Variants in KATNBL1 observed in about 807,000 individuals in gnomAD.
The protein encoded by KATNBL1 is katanin regulatory subunit B1 like 1, also known as KATNB1-like protein 1.
Under a neutral mutation model 44.7 loss-of-function variants are expected in KATNBL1, and 28 were observed. That is an observed-to-expected ratio of 0.63 (90% CI 0.46 to 0.86). KATNBL1 has a LOEUF of 0.86. Among genes scored for constraint, KATNBL1 ranks in the 40% least tolerant of loss-of-function variants. The pLI, the probability that KATNBL1 is intolerant of heterozygous loss-of-function variation, is 0.00. For synonymous variants in KATNBL1, 78 were observed against 114.9 expected, an observed-to-expected ratio of 0.68 and a Z score of 2.06; for missense variants, 272 against 350.7, an observed-to-expected ratio of 0.78 and a Z score of 1.79.
chr15:34,182,051 T>C (rs1889583709), intron 1 of KATNBL1, among the ~76,000 whole-genome samples: 1 of 151,572 alleles, frequency 6.6e-6, no homozygotes, highest in Non-Finnish European at 1.5e-5. Flanking sequence ...AATAAAGGCA[T>C]AAAAAGATTA....
chr15:34,155,755 G>A (rs550656363), intron 2 of KATNBL1, among the ~76,000 whole-genome samples: 129 of 152,230 alleles, frequency 8.5e-4, no homozygotes, highest in African/African-American at 3.0e-3. Context: ...TCCTTTAACA[G>A]CATCTCTAGT....
At chr15:34,174,305 G>A (rs557923159) in intron 1 of KATNBL1, among the ~76,000 whole-genome samples, 19 of 152,234 alleles carry the variant, frequency 1.2e-4, no homozygotes, top group African/African-American at 4.3e-4. Flanking sequence ...GAATTATCAA[G>A]AATTATACTC....
intron 5 of KATNBL1, 61 bp from the exon 6 acceptor site, chr15:34,147,491 T>C (rs1335900186): frequency 1.5e-6 from 2 of 1,316,194 alleles, no homozygotes; most frequent in Non-Finnish European, 2.2e-6. Context: ...TACTTTCATA[T>C]TATGATTATT....
rs1319538908 is a variant in KATNBL1, at chr15:34,177,051, C to T, written c.-14-13361G>A. Among the ~76,000 whole-genome samples the T allele has an allele frequency of 4.9e-3, 527 of 106,624 alleles. 2 individuals carry two copies. Among genetic ancestry groups the T allele is most frequent in the African/African-American group, 0.017 (508 of 30,050 alleles). 69.9% of individuals were successfully genotyped at this position (106,624 alleles called of 152,430 possible). A position where few individuals can be genotyped will look rare whatever the true frequency, so the allele number is the denominator to read the frequency against. ...TTATAGAAACTGGCAATTATCATTG[C>T]CTTTTAATGAAAAAAAGGAACAAAA... On this transcript the variant is annotated intron_variant, in intron 1 of 9. Coordinates refer to ENST00000256544, the MANE Select transcript of KATNBL1 (RefSeq NM_024713.3).
At chr15:34,188,137 T>TCAAAAAAAAAAAA (rs1889768867) in intron 1 of KATNBL1, among the ~76,000 whole-genome samples, 2 of 22,084 alleles carry the variant, frequency 9.1e-5, no homozygotes, top group African/African-American at 1.5e-4. Context: ...AGACGCCATG[T>TCAAAAAAAAAAAA]AAAAAAAAAA....
intron 5 of KATNBL1, 150 bp from the exon 6 acceptor site, chr15:34,147,580 C>CA: frequency 2.6e-6 from 1 of 384,792 alleles, no homozygotes. Flanking sequence ...CAGCAATGAA[C>CA]AAAGACACAG....
At chr15:34,167,822 C>T (rs570700103) in intron 1 of KATNBL1, among the ~76,000 whole-genome samples, 26 of 152,300 alleles carry the variant, frequency 1.7e-4, no homozygotes, top group African/African-American at 6.3e-4. Context: ...CCCAGAATTT[C>T]ATATCCAGCC....
At chr15:34,166,311 C>T (rs1433409115) in intron 1 of KATNBL1, among the ~76,000 whole-genome samples, 1 of 152,250 alleles carries the variant, frequency 6.6e-6, no homozygotes, top group African/African-American at 2.4e-5. Context: ...GCAGGTCCCA[C>T]GCCCACGGAG....
At chr15:34,175,886 A>T (rs545328414) in intron 1 of KATNBL1, among the ~76,000 whole-genome samples, 75 of 152,144 alleles carry the variant, frequency 4.9e-4, no homozygotes, top group Admixed American at 4.0e-3. Flanking sequence ...CAGATTTATC[A>T]TATGATCCAG....
intron 1 of KATNBL1, among the ~76,000 whole-genome samples, chr15:34,188,354 G>A (rs28773612): frequency 3.3e-5 from 5 of 151,664 alleles, no homozygotes; most frequent in African/African-American, 7.3e-5. Flanking sequence ...CCAGGAGTTC[G>A]AGATCAGCCT....
chr15:34,198,034 T>C lies in KATNBL1; in HGVS notation c.-15+11917A>G, dbSNP rs553632719. Among the ~76,000 whole-genome samples, 31 of 152,190 alleles carry C rather than the reference T, an allele frequency of 2.0e-4. No individual in the cohort carries two copies. In the East Asian group the frequency reaches 3.9e-3, roughly 19 times the overall value. ...CCACACAAAGTGCTGGGATTATAAG[T>C]GTGAGCCACCGCACCCAGCCGAGTT... On this transcript the variant is annotated intron_variant, in intron 1 of 9. Coordinates refer to ENST00000256544, the MANE Select transcript of KATNBL1 (RefSeq NM_024713.3).
At chr15:34,174,661 A>T (rs1353531579) in intron 1 of KATNBL1, among the ~76,000 whole-genome samples, 1 of 151,964 alleles carries the variant, frequency 6.6e-6, no homozygotes, top group Non-Finnish European at 1.5e-5. Context: ...TCATGCAAAT[A>T]CTAACTTTTT....
chr15:34,155,552 A>G (rs1010983065), intron 2 of KATNBL1, among the ~76,000 whole-genome samples: 1 of 152,124 alleles, frequency 6.6e-6, no homozygotes, highest in Admixed American at 6.5e-5. Context: ...TTTTTTGCTA[A>G]CTCATTGGAC....
chr15:34,188,108 CA>C (rs1229381707), intron 1 of KATNBL1, among the ~76,000 whole-genome samples: 20 of 119,852 alleles, frequency 1.7e-4, no homozygotes, highest in Non-Finnish European at 3.3e-4. Flanking sequence ...CACTGCCTTC[CA>C]GCCTGGGTGA....
At position 34,193,114 on chromosome 15, in the gene KATNBL1, G is replaced by A. The variant is rs1050233719; in HGVS notation, c.-15+16837C>T. ...CGCCTGTGGTCCCAGCTACTCGGGA[G>A]GCTGAGGCAGGAGAATGGCGTCAAC... On this transcript the variant is annotated intron_variant, in intron 1 of 9. Transcript: ENST00000256544. Among the ~76,000 whole-genome samples, 7 of 151,302 alleles carry A rather than the reference G, an allele frequency of 4.6e-5. No homozygotes were observed. The East Asian group carries it at 1.4e-3, about 30-fold the overall frequency.
intron 4 of KATNBL1, among the ~76,000 whole-genome samples, chr15:34,152,162 G>T (rs968856270): frequency 6.7e-6 from 1 of 149,444 alleles, no homozygotes; most frequent in Non-Finnish European, 1.5e-5. Context: ...GGCTGGCCTC[G>T]AACTCCCGAC....
intron 1 of KATNBL1, among the ~76,000 whole-genome samples, chr15:34,181,702 C>T (rs1243052171): frequency 3.9e-5 from 1 of 25,592 alleles, no homozygotes; most frequent in African/African-American, 1.2e-4. Context: ...ATATATATAT[C>T]CATATATATG....
rs576298980 is a variant in KATNBL1 at position 34,145,189 on chromosome 15, A to G, written c.882+209T>C. The G allele has an allele frequency of 4.6e-5, 63 of 1,364,664 alleles. No individual in the cohort carries two copies. In the East Asian group the frequency reaches 2.1e-3, roughly 46 times the overall value. 84.5% of individuals were successfully genotyped at this position (1,364,664 alleles called of 1,614,324 possible). A position where few individuals can be genotyped will look rare whatever the true frequency, so the allele number is the denominator to read the frequency against. On this transcript the variant is annotated intron_variant, in intron 9 of 9. Transcript: ENST00000256544. ...TAGCATAGCATTTCAGGGGCTGTACATGAAACATGTTCAATGGCCAATTCC... is the reference window on the plus strand; with the variant it reads ...TAGCATAGCATTTCAGGGGCTGTACGTGAAACATGTTCAATGGCCAATTCC...
intron 1 of KATNBL1, among the ~76,000 whole-genome samples, chr15:34,200,267 T>C (rs1198158263): frequency 2.0e-5 from 3 of 152,106 alleles, no homozygotes; most frequent in Non-Finnish European, 2.9e-5. Flanking sequence ...CTTCTTTTTT[T>C]TTTGAGATGG....
Sources: allele counts gnomAD v4.1 joint callset (sites outside exome capture counted in the v4.1 genomes callset), GRCh38; gene constraint gnomAD v4.1.1; transcripts MANE v1.5; gene names NCBI Gene and HGNC (gene_info 2026-07-23, HGNC 2026-07-21).